FSTL5: variants seen among roughly 807,000 people sequenced by gnomAD.
FSTL5 encodes follistatin like 5.
A neutral mutation model predicts 89.1 loss-of-function variants in FSTL5; 62 were observed. The ratio of observed to expected loss-of-function variants is 0.70; its 90% confidence interval spans 0.57 to 0.86. The LOEUF (loss-of-function observed/expected upper bound fraction) is 0.86. Among genes scored for constraint, FSTL5 ranks in the 40% least tolerant of loss-of-function variants. The pLI is 0.00. For missense variants in FSTL5, 1,057 were observed against 1,001.6 expected, an observed-to-expected ratio of 1.06 and a Z score of -0.75; for synonymous variants, 383 against 346.2, an observed-to-expected ratio of 1.11 and a Z score of -1.18.
chr4:161,649,358 G>C (rs1436906590), intron 7 of FSTL5, among the ~76,000 whole-genome samples: 1 of 151,820 alleles, frequency 6.6e-6, no homozygotes, highest in Non-Finnish European at 1.5e-5. Flanking sequence ...TTTCTTCCTC[G>C]ACAGCAGAAT....
chr4:161,813,463 T>C (rs960326291), intron 4 of FSTL5, among the ~76,000 whole-genome samples: 5 of 152,220 alleles, frequency 3.3e-5, no homozygotes, highest in African/African-American at 7.2e-5. Flanking sequence ...AAAGATAATG[T>C]AGAATTCTGA....
chr4:161,636,717 G>GT (rs938657961), intron 7 of FSTL5, among the ~76,000 whole-genome samples: 125 of 147,968 alleles, frequency 8.4e-4, no homozygotes, highest in Middle Eastern at 3.5e-3. Context: ...GCCGTGTTTG[G>GT]TTTTTTGTTC....
At chr4:161,437,194 C>A (rs994425563) in intron 15 of FSTL5, among the ~76,000 whole-genome samples, 7 of 151,906 alleles carry the variant, frequency 4.6e-5, no homozygotes, top group Non-Finnish European at 1.0e-4. Flanking sequence ...GCACTGTGAG[C>A]AGTTTGGTGG....
At chr4:161,725,149 T>C (rs1030661415) in intron 6 of FSTL5, among the ~76,000 whole-genome samples, 1 of 151,946 alleles carries the variant, frequency 6.6e-6, no homozygotes, top group Non-Finnish European at 1.5e-5. Context: ...TGAGCCCAGA[T>C]CACACCACTG....
At chr4:162,072,577 T>C (rs543484698) in intron 2 of FSTL5, among the ~76,000 whole-genome samples, 1 of 151,830 alleles carries the variant, frequency 6.6e-6, no homozygotes, top group African/African-American at 2.4e-5. Context: ...ATAACAAATA[T>C]AGGCACCCCT....
rs372722006 is a variant in FSTL5 at position 161,527,775 on chromosome 4, T to C, written c.1312+10391A>G. Among the ~76,000 whole-genome samples, 1,074 of 149,736 alleles carry C rather than the reference T, an allele frequency of 7.2e-3. 31 individuals carry two copies. Among genetic ancestry groups the C allele is most frequent in the African/African-American group, 0.026 (1,018 of 39,402 alleles). ...ATCTAGAACTAGAAATACCATTTGATCCAGCCATCCCATTACTGGGTATAT... is the reference window on the plus strand; with the variant it reads ...ATCTAGAACTAGAAATACCATTTGACCCAGCCATCCCATTACTGGGTATAT... On this transcript the variant is annotated intron_variant, in intron 10 of 15. Transcript: ENST00000306100.
chr4:162,139,577 A>G (rs2111476640), intron 1 of FSTL5, among the ~76,000 whole-genome samples: 1 of 152,228 alleles, frequency 6.6e-6, no homozygotes, highest in Middle Eastern at 3.4e-3. Context: ...CATAAATGTC[A>G]GAAGATGAAT....
At chr4:162,137,450 C>G (rs1245517083) in intron 1 of FSTL5, among the ~76,000 whole-genome samples, 1 of 149,048 alleles carries the variant, frequency 6.7e-6, no homozygotes, top group Non-Finnish European at 1.5e-5. Context: ...TGGCTAGTGG[C>G]CACATACCAC....
At chr4:161,803,949 C>T (rs1729878870) in intron 4 of FSTL5, among the ~76,000 whole-genome samples, 1 of 151,986 alleles carries the variant, frequency 6.6e-6, no homozygotes, top group Non-Finnish European at 1.5e-5. Context: ...CTCCTAAGCT[C>T]ATTCAGGTTG....
intron 1 of FSTL5, among the ~76,000 whole-genome samples, chr4:162,153,314 G>A (rs1417719123): frequency 6.6e-5 from 10 of 151,990 alleles, no homozygotes; most frequent in African/African-American, 2.4e-4. Flanking sequence ...AGAATGGCAT[G>A]AAGATGGAAC....
intron 8 of FSTL5, among the ~76,000 whole-genome samples, chr4:161,559,280 A>C (rs930935752): frequency 1.3e-5 from 2 of 151,666 alleles, no homozygotes; most frequent in African/African-American, 4.8e-5. Context: ...ATAACTCTTA[A>C]CTTTCTGATG....
At chr4:161,834,274 A>G (rs1254319089) in intron 4 of FSTL5, among the ~76,000 whole-genome samples, 1 of 152,174 alleles carries the variant, frequency 6.6e-6, no homozygotes, top group Admixed American at 6.6e-5. Flanking sequence ...AAAACTCTCA[A>G]TAAATTAGGT....
intron 4 of FSTL5, among the ~76,000 whole-genome samples, chr4:161,777,301 A>T (rs1741444703): frequency 6.6e-6 from 1 of 150,788 alleles, no homozygotes; most frequent in African/African-American, 2.4e-5. Flanking sequence ...TGGCTGATGA[A>T]CACTTAGGTT....
chr4:162,050,022 T>C (rs1428108514), intron 2 of FSTL5, among the ~76,000 whole-genome samples: 1 of 151,770 alleles, frequency 6.6e-6, no homozygotes, highest in Non-Finnish European at 1.5e-5. Flanking sequence ...AAAGAACATA[T>C]ATCAAAAAAG....
chr4:161,721,227 G>C (rs28738080), intron 6 of FSTL5, among the ~76,000 whole-genome samples: 1 of 133,988 alleles, frequency 7.5e-6, no homozygotes, highest in Admixed American at 9.3e-5. Flanking sequence ...GCAGTGAGCC[G>C]AGATTGCGCC....
chr4:161,826,421 G>GT (rs376078970), intron 4 of FSTL5, among the ~76,000 whole-genome samples: 159 of 151,430 alleles, frequency 1.0e-3, no homozygotes, highest in African/African-American at 3.4e-3. Flanking sequence ...TAAATCCATT[G>GT]TTTTTTTTGT....
intron 10 of FSTL5, among the ~76,000 whole-genome samples, chr4:161,534,197 C>A (rs1219894070): frequency 6.6e-6 from 1 of 152,052 alleles, no homozygotes. Flanking sequence ...TCTCACTACT[C>A]CTATTCAACA....
intron 8 of FSTL5, among the ~76,000 whole-genome samples, chr4:161,558,260 G>T (rs1390809257): frequency 4.0e-5 from 6 of 151,782 alleles, no homozygotes; most frequent in African/African-American, 1.5e-4. Flanking sequence ...GTAGGAGAGA[G>T]CTCAGTGTGG....
intron 3 of FSTL5, among the ~76,000 whole-genome samples, chr4:161,925,351 T>C (rs2110877201): frequency 6.6e-6 from 1 of 152,064 alleles, no homozygotes; most frequent in African/African-American, 2.4e-5. Flanking sequence ...AAGATTTTGA[T>C]TTACTTTTTG....
Sources: gnomAD v4.1 joint callset for allele counts (sites outside exome capture counted in the v4.1 genomes callset) on GRCh38, gnomAD v4.1.1 for gene constraint, MANE v1.5 for transcripts, NCBI Gene and HGNC (gene_info 2026-07-23, HGNC 2026-07-21) for gene names.